GNAT2: variants seen among roughly 807,000 people sequenced by gnomAD.
The protein encoded by GNAT2 is G protein subunit alpha transducin 2.
Under a neutral mutation model 40.9 loss-of-function variants are expected in GNAT2, and 32 were observed. The ratio of observed to expected loss-of-function variants is 0.78; its 90% CI spans 0.59 to 1.05. The LOEUF (loss-of-function observed/expected upper bound fraction) is 1.05, where lower values mean the gene tolerates loss of function less well. Among genes scored for constraint, GNAT2 ranks in the 50% least tolerant of loss-of-function variants. The pLI, the probability that GNAT2 is intolerant of heterozygous loss-of-function variation, is 0.00. For missense variants in GNAT2, 355 were observed against 431.5 expected (o/e 0.82, Z 1.57); for synonymous variants, 141 against 157.2 (o/e 0.90, Z 0.77).
At chr1:109,604,171 C>T in intron 7 of GNAT2, 67 bp from the exon 8 acceptor site, 1 of 1,245,772 alleles carries the variant, frequency 8.0e-7, no homozygotes, top group South Asian at 1.2e-5. Context: ...ACTTCCTGCT[C>T]TTGTTCCCCT....
chr1:109,605,624 A>T, intron 7 of GNAT2: 3 of 342,218 alleles, frequency 8.8e-6, no homozygotes, highest in South Asian at 7.2e-5. Flanking sequence ...TTCCTTAGGC[A>T]ATTTGGGAGA....
intron 5 of GNAT2, chr1:109,608,235 T>C (rs1195623381): frequency 3.4e-6 from 1 of 297,384 alleles, no homozygotes; most frequent in Admixed American, 4.7e-5. Flanking sequence ...AGAGCCATCA[T>C]GAATCACATT....
Position 109,606,609 on chromosome 1 carries a change from A to G in GNAT2, c.462-173T>C. ...CAAACCTTCATATGTCATTAACTAG[A>G]GGAAATGGGGGATGGACTGAGGGAC... is the stretch of plus-strand genomic sequence containing the variant. On this transcript the variant is annotated intron_variant, in intron 5 of 8. Transcript: ENST00000679935. 3 of 617,624 alleles carry G rather than the reference A, an allele frequency of 4.9e-6. 1 individual carries two copies. The South Asian group carries it at 5.2e-5, about 11-fold the overall frequency. 38.3% of individuals were successfully genotyped at this position (617,624 alleles called of 1,614,324 possible). A position where few individuals can be genotyped will look rare whatever the true frequency, so the allele number is the denominator to read the frequency against.
intron 1 of GNAT2, among the ~76,000 whole-genome samples, chr1:109,618,940 G>T (rs775465430): frequency 6.6e-6 from 1 of 152,180 alleles, no homozygotes; most frequent in Non-Finnish European, 1.5e-5. Flanking sequence ...ACTGGGAGGA[G>T]CCAGACAAAC....
chr1:109,610,443 T>C lies in GNAT2; in HGVS notation c.161+22A>G, dbSNP rs781755062. The C allele has an allele frequency of 2.5e-6, 4 of 1,610,568 alleles. No individual in the cohort carries two copies. In the South Asian group the frequency reaches 3.3e-5, roughly 13 times the overall value. ...TGACTTCTTCACCCTATCTTGTCTT[T>C]TGGGGCTTTGTTTCTACTCACTTCA... On this transcript the variant is annotated intron_variant, in intron 3 of 8. Transcript: ENST00000679935.
intron 4 of GNAT2, 92 bp downstream of exon 4, chr1:109,609,948 C>G: frequency 7.9e-7 from 1 of 1,271,584 alleles, no homozygotes; most frequent in Non-Finnish European, 1.1e-6. Flanking sequence ...TTTTTCTTAC[C>G]CATCTTTCCA....
chr1:109,608,323 TAAG>T (rs1296834669), intron 5 of GNAT2: 3 of 427,982 alleles, frequency 7.0e-6, no homozygotes, highest in African/African-American at 6.1e-5. Context: ...ACACCTCAAT[TAAG>T]AGAACAGGGC....
At position 109,612,890 on chromosome 1, in the gene GNAT2, T is replaced by G. The variant is rs1428762564; in HGVS notation, c.-20A>C. 6.8e-7 allele frequency: 1 copy of G among 1,463,348 alleles called. No individual in the cohort carries two copies. The highest frequency in any genetic ancestry group is 9.6e-7 in the Non-Finnish European group (1 of 1,043,166). 90.6% of individuals were successfully genotyped at this position (1,463,348 alleles called of 1,614,324 possible). A position where few individuals can be genotyped will look rare whatever the true frequency, so the allele number is the denominator to read the frequency against. On this transcript the variant is annotated 5_prime_UTR_variant, in exon 2 of 9. Coordinates refer to ENST00000679935, the MANE Select transcript of GNAT2 (RefSeq NM_001377295.2). The stretch of plus-strand genomic sequence containing the variant: ...TCCCATATTTGCCGTCTTGTCAGCT[T>G]TTTCAGGCCCCTAATCCTCTCTCGT...
chr1:109,609,144 A>G lies in GNAT2; in HGVS notation c.304-356T>C, dbSNP rs1205333027. ...ATGTAAAGGCCAGATTGACCATGAAATAGACAAGATAGAAGACAGGGACCC... is the reference window on the plus strand; with the variant it reads ...ATGTAAAGGCCAGATTGACCATGAAGTAGACAAGATAGAAGACAGGGACCC... On this transcript the variant is annotated intron_variant, in intron 4 of 8. Coordinates refer to ENST00000679935, the MANE Select transcript of GNAT2 (RefSeq NM_001377295.2). The G allele has an allele frequency of 1.7e-5, 6 of 344,472 alleles. 1 individual carries two copies. Among genetic ancestry groups the G allele is most frequent in the South Asian group, 1.0e-4 (4 of 38,554 alleles). 21.3% of individuals were successfully genotyped at this position (344,472 alleles called of 1,614,324 possible). A position where few individuals can be genotyped will look rare whatever the true frequency, so the allele number is the denominator to read the frequency against.
At chr1:109,610,273 T>G (rs1313051294) in intron 3 of GNAT2, 92 bp from the exon 4 acceptor site, 1 of 1,406,220 alleles carries the variant, frequency 7.1e-7, no homozygotes, top group Non-Finnish European at 1.0e-6. Flanking sequence ...ATCATAAGAA[T>G]CCTATCTCTC....
intron 1 of GNAT2, chr1:109,613,298 C>T (rs1649856564): frequency 3.5e-6 from 1 of 283,208 alleles, no homozygotes; most frequent in Admixed American, 4.8e-5. Context: ...GATTTATTTG[C>T]ATCATAGAGC....
At chr1:109,618,190 T>G (rs1340989788) in intron 1 of GNAT2, 2 of 152,218 alleles carry the variant, frequency 1.3e-5, no homozygotes, top group Admixed American at 1.3e-4. Context: ...TTGGTAAACT[T>G]GTTGGTGTGT....
chr1:109,610,605 G>T lies in GNAT2; in HGVS notation c.119-98C>A, dbSNP rs973124522. On this transcript the variant is annotated intron_variant, in intron 2 of 8. Transcript: ENST00000679935. ...AGTCAGAGCCACTGCTTGCTTGGGG[G>T]TCTTGTTAGGGGAGAATACATAGGG... 16 of 969,528 alleles carry T rather than the reference G, an allele frequency of 1.7e-5. No homozygotes were observed. In the African/African-American group the frequency reaches 2.4e-4, roughly 15 times the overall value. The allele number at this position is 969,528 out of a possible 1,614,324, so 60.1% of individuals were successfully genotyped here.
chr1:109,604,642 T>C (rs186923984), intron 7 of GNAT2: 95 of 165,682 alleles, frequency 5.7e-4, no homozygotes, highest in Admixed American at 3.6e-3. Flanking sequence ...CCCAGTGCCA[T>C]ACCACAAGCA....
intron 1 of GNAT2, 98 bp downstream of exon 1, chr1:109,619,385 G>C (rs544209514): frequency 6.6e-6 from 1 of 152,368 alleles, no homozygotes; most frequent in African/African-American, 2.4e-5. Context: ...GTGAAATCTG[G>C]ATTTGAACCC....
At position 109,603,532 on chromosome 1, in the gene GNAT2, T is replaced by C. The variant is rs1025845483; in HGVS notation, c.887A>G (p.Tyr296Cys). 3.7e-6 allele frequency: 6 copies of C among 1,607,358 alleles called. No homozygotes were observed. The African/African-American group carries it at 5.3e-5, about 14-fold the overall frequency. ...CFPEYDGNNS[Y>C]DDAGNYIKSQ... ...CTTTATGTAATTCCCCGCATCATCA[T>C]AGGAGTTGTTACCTGGTTTTCCAGA... The change falls in exon 9 of 9, where the codon TAT (tyrosine) becomes TGT (cysteine). Residue 296 changes from tyrosine to cysteine, a missense_variant. By Grantham distance (194) the Tyr-to-Cys change is radical. Transcript: ENST00000679935.
intron 1 of GNAT2, chr1:109,613,482 A>AAT: frequency 6.1e-6 from 1 of 163,108 alleles, no homozygotes; most frequent in South Asian, 1.5e-4. Flanking sequence ...GGAATGTTTC[A>AAT]GCTCCCGCAG....
intron 7 of GNAT2, 42 bp downstream of exon 7, chr1:109,605,928 G>T: frequency 6.3e-7 from 1 of 1,592,152 alleles, no homozygotes; most frequent in South Asian, 1.1e-5. Context: ...GTCATGGGGA[G>T]AACTTGTTCT....
intron 1 of GNAT2, among the ~76,000 whole-genome samples, chr1:109,619,068 C>G (rs563168158): frequency 6.6e-6 from 1 of 152,166 alleles, no homozygotes; most frequent in South Asian, 2.1e-4. Context: ...GGACTTCCCT[C>G]CACAAGTTCC....
Sources: allele counts gnomAD v4.1 joint callset (sites outside exome capture counted in the v4.1 genomes callset), GRCh38; gene constraint gnomAD v4.1.1; transcripts MANE v1.5; gene names NCBI Gene and HGNC (gene_info 2026-07-23, HGNC 2026-07-21).